The following TAF1B variants were observed in gnomAD, a reference collection of about 807,000 sequenced individuals.
TAF1B encodes the protein TATA box-binding protein-associated factor RNA polymerase I subunit B.
Under a neutral mutation model 83.9 loss-of-function variants are expected in TAF1B, and 61 were observed. The observed-to-expected ratio is 0.73, with a 90% CI of 0.59 to 0.90. The LOEUF (loss-of-function observed/expected upper bound fraction) is 0.90, where lower values mean the gene tolerates loss of function less well. TAF1B is among the 40% of genes least tolerant of loss of function. The pLI, the probability that TAF1B is intolerant of heterozygous loss-of-function variation, is 0.00. For missense variants in TAF1B, 625 were observed against 677.0 expected (o/e 0.92, Z 0.85); for synonymous variants, 221 against 224.6 (o/e 0.98, Z 0.14).
chr2:9,884,143 G>T (rs1664597774), intron 8 of TAF1B, among the ~76,000 whole-genome samples: 1 of 152,246 alleles, frequency 6.6e-6, no homozygotes, highest in Non-Finnish European at 1.5e-5. Flanking sequence ...GTGCCAGCAT[G>T]ATTGCCAGCG....
intron 8 of TAF1B, among the ~76,000 whole-genome samples, chr2:9,887,738 A>C (rs1664724071): frequency 1.3e-5 from 2 of 152,146 alleles, no homozygotes; most frequent in African/African-American, 4.8e-5. Context: ...CATAATTATC[A>C]GTATAGTTGG....
At chr2:9,911,971 G>A (rs1260245617) in intron 11 of TAF1B, among the ~76,000 whole-genome samples, 4 of 152,168 alleles carry the variant, frequency 2.6e-5, no homozygotes, top group Non-Finnish European at 5.9e-5. Flanking sequence ...TGAAGATGCA[G>A]CATAAACACC....
chr2:9,920,758 C>A (rs1665854206), intron 14 of TAF1B, among the ~76,000 whole-genome samples: 1 of 152,168 alleles, frequency 6.6e-6, no homozygotes, highest in Admixed American at 6.5e-5. Flanking sequence ...CCCTTGATTT[C>A]ATGTTTTATG....
At chr2:9,861,350 C>T (rs1343419546) in intron 5 of TAF1B, among the ~76,000 whole-genome samples, 1 of 152,252 alleles carries the variant, frequency 6.6e-6, no homozygotes, top group African/African-American at 2.4e-5. Context: ...TCGCTGATTG[C>T]TAGCACAGCA....
At chr2:9,894,349 G>A (rs897031628) in intron 8 of TAF1B, among the ~76,000 whole-genome samples, 23 of 152,040 alleles carry the variant, frequency 1.5e-4, no homozygotes, top group African/African-American at 5.1e-4. Context: ...ATATCAGAAG[G>A]CCACTAAATA....
intron 5 of TAF1B, among the ~76,000 whole-genome samples, chr2:9,862,883 C>A (rs1260066674): frequency 2.6e-5 from 4 of 151,850 alleles, no homozygotes; most frequent in African/African-American, 9.7e-5. Context: ...ACTTTACAGA[C>A]AAGCAAATGC....
intron 2 of TAF1B, among the ~76,000 whole-genome samples, 160 bp from the exon 3 acceptor site, chr2:9,849,212 AT>A (rs1663302619): frequency 6.6e-6 from 1 of 152,210 alleles, no homozygotes; most frequent in African/African-American, 2.4e-5. Context: ...CAACATCAAC[AT>A]TAACTAGAAT....
chr2:9,919,491 G>A (rs1820966), intron 13 of TAF1B, 107 bp from the exon 14 acceptor site: 3 of 1,010,430 alleles, frequency 3.0e-6, no homozygotes, highest in East Asian at 2.5e-5. Flanking sequence ...GTACATCTGC[G>A]AAAACTAAGG....
intron 5 of TAF1B, among the ~76,000 whole-genome samples, chr2:9,857,760 C>G (rs2357389): frequency 0.41 from 62,443 of 151,880 alleles, 13,512 homozygotes; most frequent in East Asian, 0.58. Flanking sequence ...GTGAGCAAGC[C>G]CATGCAGGGG....
At chr2:9,855,196 T>C (rs1663522729) in intron 5 of TAF1B, among the ~76,000 whole-genome samples, 1 of 152,196 alleles carries the variant, frequency 6.6e-6, no homozygotes, top group South Asian at 2.1e-4. Flanking sequence ...GGTTTCACCA[T>C]GTTAGCCAGG....
In TAF1B at chr2:9,845,243, T is replaced by C. The variant is rs754573043; in HGVS notation, c.42T>C (p.Thr14=). The C allele has an allele frequency of 3.1e-6, 5 of 1,613,976 alleles. No homozygotes were observed. The South Asian group carries it at 4.4e-5, about 14-fold the overall frequency. ...EEAEEFKERC[T]QCAAVSWGLT... is the part of the protein sequence containing the mutation. Reference sequence around the variant, plus strand: ...AGGAAGAGTTTAAAGAACGCTGTACTCAGTGTGCTGCTGTCTCATGGGGTC... The same window carrying C: ...AGGAAGAGTTTAAAGAACGCTGTACCCAGTGTGCTGCTGTCTCATGGGGTC... Residue 14 remains threonine (T), a synonymous_variant, in exon 2 of 15, where the codon ACT becomes ACC. Coordinates refer to ENST00000263663, the MANE Select transcript of TAF1B (RefSeq NM_005680.3).
In TAF1B at chr2:9,851,541, A is replaced by G; in HGVS notation, c.206A>G (p.Glu69Gly). ...CTAAAACATGCTATTTGTCATTTAG[A>G]AAAAGGCTGGGATTGGTATGTGTGT... Reference protein sequence around the residue: ...NRGLKKKNNTEKGWDWYVCEG... With the variant: ...NRGLKKKNNTGKGWDWYVCEG... The change falls in exon 4 of 15, where the codon GAA becomes GGA. Residue 69 changes from glutamate (E) to glycine (G), a missense_variant and splice_region_variant. Coordinates refer to ENST00000263663, the MANE Select transcript of TAF1B (RefSeq NM_005680.3). The G allele has an allele frequency of 6.3e-7, 1 of 1,595,502 alleles. No individual in the cohort carries two copies. Among genetic ancestry groups the G allele is most frequent in the Non-Finnish European group, 8.5e-7 (1 of 1,173,628 alleles).
chr2:9,855,340 G>A (rs958090094), intron 5 of TAF1B, among the ~76,000 whole-genome samples: 1 of 152,056 alleles, frequency 6.6e-6, no homozygotes, highest in African/African-American at 2.4e-5. Flanking sequence ...CTTGCCATGG[G>A]GTCACATCCC....
At chr2:9,926,968 C>T (rs2125184467) in intron 14 of TAF1B, among the ~76,000 whole-genome samples, 1 of 151,936 alleles carries the variant, frequency 6.6e-6, no homozygotes, top group East Asian at 1.9e-4. Flanking sequence ...GTTTGCTGTA[C>T]CCATCAACTG....
intron 6 of TAF1B, 156 bp downstream of exon 6, chr2:9,868,585 C>A: frequency 1.8e-6 from 2 of 1,101,786 alleles, no homozygotes; most frequent in Non-Finnish European, 2.7e-6. Flanking sequence ...ATGGCTAAGA[C>A]AAACTAAGTG....
chr2:9,881,214 A>G (rs1445134684), intron 7 of TAF1B, among the ~76,000 whole-genome samples: 1 of 152,050 alleles, frequency 6.6e-6, no homozygotes, highest in Non-Finnish European at 1.5e-5. Context: ...GGTGCCTGTA[A>G]GTAATTCCAG....
intron 6 of TAF1B, among the ~76,000 whole-genome samples, chr2:9,871,891 T>A (rs1664177987): frequency 1.3e-5 from 2 of 152,168 alleles, no homozygotes; most frequent in South Asian, 4.1e-4. Flanking sequence ...AAACTTTCAC[T>A]TAAGCCTCCT....
chr2:9,855,507 C>A (rs528348400), intron 5 of TAF1B, among the ~76,000 whole-genome samples: 1 of 152,028 alleles, frequency 6.6e-6, no homozygotes, highest in East Asian at 1.9e-4. Context: ...AATGAGACCC[C>A]AACTCTACAA....
Position 9,912,128 on chromosome 2 carries a change from G to A in TAF1B, c.1180+571G>A, listed in dbSNP as rs4669493. On this transcript the variant is annotated intron_variant, in intron 11 of 14. Transcript: ENST00000263663. ...GAGGTCTAACTAATGGCCTAAGTAC[G>A]TCTGTCCCTATTAGATTGCCAATAT... is the stretch of plus-strand genomic sequence containing the variant. 1.1e-4 allele frequency among the ~76,000 whole-genome samples: 17 copies of A among 152,136 alleles called. No individual in the cohort carries two copies. In the East Asian group the frequency reaches 2.1e-3, roughly 19 times the overall value.
Sources: gnomAD v4.1 joint callset for allele counts (sites outside exome capture counted in the v4.1 genomes callset) on GRCh38, gnomAD v4.1.1 for gene constraint, MANE v1.5 for transcripts, NCBI Gene and HGNC (gene_info 2026-07-23, HGNC 2026-07-21) for gene names.